The following CSMD1 variants were observed in gnomAD, a reference collection of about 807,000 sequenced individuals.
CSMD1 encodes CUB and Sushi multiple domains 1.
CSMD1 carries 213 observed loss-of-function variants against 417.5 expected under a neutral mutation model. That is an observed-to-expected ratio of 0.51 (90% CI 0.46 to 0.57). The LOEUF (loss-of-function observed/expected upper bound fraction) is 0.57, where lower values mean the gene tolerates loss of function less well. Among genes scored for constraint, CSMD1 ranks in the 20% least tolerant of loss-of-function variants. CSMD1 has a pLI of 0.00. For synonymous variants in CSMD1, 2,862 were observed against 1,736.8 expected (o/e 1.65, Z -16.11); for missense variants, 6,923 against 4,529.7 (o/e 1.53, Z -15.17).
chr8:4,825,344 C>A (rs73181567), intron 1 of CSMD1, among the ~76,000 whole-genome samples: 1 of 152,002 alleles, frequency 6.6e-6, no homozygotes, highest in African/African-American at 2.4e-5. Flanking sequence ...TTCTTGTGTG[C>A]GGTAAGAACA....
chr8:3,083,634 ATATATATATATATATTTTTTTTTTTTTT>A (rs1814286548), intron 49 of CSMD1, among the ~76,000 whole-genome samples: 1 of 23,346 alleles, frequency 4.3e-5, no homozygotes, highest in African/African-American at 1.5e-4. Flanking sequence ...ATATATATAT[ATATATATATATATATTTTTTTTTTTTTT>A]TTTTTTTTTT....
chr8:3,716,670 G>C (rs76002410), intron 6 of CSMD1, among the ~76,000 whole-genome samples: 83 of 152,200 alleles, frequency 5.5e-4, no homozygotes, highest in African/African-American at 1.9e-3. Context: ...GTGACTAAGA[G>C]TTCCTTAACC....
intron 3 of CSMD1, among the ~76,000 whole-genome samples, chr8:4,131,930 T>C (rs191684608): frequency 6.6e-6 from 1 of 151,994 alleles, no homozygotes; most frequent in East Asian, 1.9e-4. Context: ...ACCTGGCTAC[T>C]TTTTTGGTAT....
chr8:3,868,604 G>C (rs949882705), intron 5 of CSMD1, among the ~76,000 whole-genome samples: 2 of 152,108 alleles, frequency 1.3e-5, no homozygotes, highest in African/African-American at 4.8e-5. Context: ...TCACGCAATA[G>C]GACCCGAACC....
intron 11 of CSMD1, among the ~76,000 whole-genome samples, chr8:3,487,270 T>C (rs556843549): frequency 2.0e-5 from 3 of 152,116 alleles, no homozygotes; most frequent in Admixed American, 6.5e-5. Context: ...GGCGCGATCT[T>C]GGCTCTCTGC....
At position 3,813,266 on chromosome 8, in the gene CSMD1, C is replaced by T. The variant is rs554542754; in HGVS notation, c.819-59224G>A. Reference sequence around the variant, plus strand: ...CATCATTAAGATAGCAATCAAATTGCTATCCATGCAAATACATTTAATTGT... The same window carrying T: ...CATCATTAAGATAGCAATCAAATTGTTATCCATGCAAATACATTTAATTGT... On this transcript the variant is annotated intron_variant, in intron 5 of 69. Transcript: ENST00000635120. Among the ~76,000 whole-genome samples, 34 of 152,106 alleles carry T rather than the reference C, an allele frequency of 2.2e-4. 1 individual carries two copies. In the South Asian group the frequency reaches 6.8e-3, roughly 31 times the overall value.
At chr8:3,699,568 G>A (rs1331184658) in intron 7 of CSMD1, among the ~76,000 whole-genome samples, 5 of 152,068 alleles carry the variant, frequency 3.3e-5, no homozygotes, top group African/African-American at 1.2e-4. Flanking sequence ...TTTATGGGTT[G>A]ATCTACTAAT....
At chr8:4,112,955 T>C (rs1801934890) in intron 3 of CSMD1, among the ~76,000 whole-genome samples, 1 of 152,188 alleles carries the variant, frequency 6.6e-6, no homozygotes, top group African/African-American at 2.4e-5. Flanking sequence ...GCGTTACATT[T>C]TGGTAATTCT....
At chr8:4,409,293 G>C (rs942077836) in intron 3 of CSMD1, among the ~76,000 whole-genome samples, 1 of 152,104 alleles carries the variant, frequency 6.6e-6, no homozygotes, top group African/African-American at 2.4e-5. Context: ...TTTGTGTTAA[G>C]TCAATATATG....
chr8:4,894,294 G>T (rs1291666945), intron 1 of CSMD1, among the ~76,000 whole-genome samples: 1 of 151,904 alleles, frequency 6.6e-6, no homozygotes, highest in African/African-American at 2.4e-5. Flanking sequence ...CAAATTTATT[G>T]AATTTATATA....
At chr8:4,640,961 G>C (rs1803152833) in intron 1 of CSMD1, among the ~76,000 whole-genome samples, 1 of 150,488 alleles carries the variant, frequency 6.6e-6, no homozygotes, top group Non-Finnish European at 1.5e-5. Flanking sequence ...CAATATCAAT[G>C]GTAAAAAAGA....
intron 49 of CSMD1, among the ~76,000 whole-genome samples, chr8:3,082,279 T>C (rs1439329222): frequency 6.6e-6 from 1 of 152,186 alleles, no homozygotes; most frequent in South Asian, 2.1e-4. Context: ...TGGGATTGTA[T>C]CTCTTTTGCT....
intron 3 of CSMD1, among the ~76,000 whole-genome samples, chr8:4,344,664 C>T (rs1800679212): frequency 6.6e-6 from 1 of 151,764 alleles, no homozygotes; most frequent in Non-Finnish European, 1.5e-5. Context: ...AGAATTGAAT[C>T]AATAAACACA....
intron 3 of CSMD1, among the ~76,000 whole-genome samples, chr8:4,236,811 G>C (rs993134747): frequency 1.3e-5 from 2 of 152,164 alleles, no homozygotes; most frequent in Admixed American, 6.5e-5. Flanking sequence ...AAATTATTAA[G>C]TCTATGTTGC....
At chr8:4,066,496 T>A (rs1408885282) in intron 3 of CSMD1, among the ~76,000 whole-genome samples, 4 of 152,210 alleles carry the variant, frequency 2.6e-5, no homozygotes, top group African/African-American at 9.7e-5. Flanking sequence ...ATCTATTGAC[T>A]TGATAGAAAA....
chr8:3,010,969 G>A (rs999280581), intron 52 of CSMD1, among the ~76,000 whole-genome samples: 1 of 151,944 alleles, frequency 6.6e-6, no homozygotes, highest in Non-Finnish European at 1.5e-5. Context: ...CTCGTGATCT[G>A]CCCACCTCGG....
At chr8:4,058,071 G>T (rs1019899699) in intron 3 of CSMD1, among the ~76,000 whole-genome samples, 1 of 152,070 alleles carries the variant, frequency 6.6e-6, no homozygotes, top group African/African-American at 2.4e-5. Flanking sequence ...TTCTGTGAAG[G>T]AACTCATTGG....
chr8:4,605,348 T>A (rs374127625), intron 2 of CSMD1, among the ~76,000 whole-genome samples: 16 of 152,306 alleles, frequency 1.1e-4, no homozygotes, highest in Admixed American at 3.9e-4. Context: ...AAATGAATTA[T>A]CTATGAGCAA....
rs77398220 is a variant in CSMD1 at position 4,467,005 on chromosome 8, A to C, written c.303-46940T>G. On this transcript the variant is annotated intron_variant, in intron 2 of 69. Transcript: ENST00000635120. ...TCAGCTGTGGGAGCTTTCTCAACAT[A>C]GCTCAACTGGCCTCAAAGGCAACAA... 1.5e-3 allele frequency among the ~76,000 whole-genome samples: 234 copies of C among 152,088 alleles called. 2 individuals are homozygous for C. In the East Asian group the frequency reaches 0.025, roughly 16 times the overall value.
Sources: gnomAD v4.1 joint callset for allele counts (sites outside exome capture counted in the v4.1 genomes callset) on GRCh38, gnomAD v4.1.1 for gene constraint, MANE v1.5 for transcripts, NCBI Gene and HGNC (gene_info 2026-07-23, HGNC 2026-07-21) for gene names.